Variants in DLGAP2 observed in about 807,000 individuals in gnomAD.
DLGAP2 encodes the protein DLG associated protein 2.
A neutral mutation model predicts 100.3 loss-of-function variants in DLGAP2; 26 were observed. The ratio of observed to expected loss-of-function variants is 0.26; its 90% CI spans 0.19 to 0.36. The LOEUF (loss-of-function observed/expected upper bound fraction) is 0.36. Ranked by LOEUF, DLGAP2 falls within the 10% of genes least tolerant of loss-of-function variation. The probability of loss-of-function intolerance (pLI) is 1.00; values close to 1 mark genes in which losing one functional copy is unlikely to be tolerated. For missense variants in DLGAP2, 1,858 were observed against 1,453.2 expected (o/e 1.28, Z -4.53); for synonymous variants, 886 against 630.1 (o/e 1.41, Z -6.08).
chr8:1,627,211 A>G (rs920382018), intron 7 of DLGAP2, among the ~76,000 whole-genome samples: 3 of 152,222 alleles, frequency 2.0e-5, no homozygotes, highest in Non-Finnish European at 2.9e-5. Context: ...TTTTTCCAGT[A>G]AAAGGGGGCC....
chr8:1,207,107 T>C (rs1798013143), intron 2 of DLGAP2, among the ~76,000 whole-genome samples: 1 of 152,218 alleles, frequency 6.6e-6, no homozygotes, highest in South Asian at 2.1e-4. Flanking sequence ...TTTATTTCAA[T>C]AGATTTTTGG....
At chr8:1,110,644 T>A (rs959923918) in intron 2 of DLGAP2, among the ~76,000 whole-genome samples, 2 of 151,894 alleles carry the variant, frequency 1.3e-5, no homozygotes, top group Non-Finnish European at 2.9e-5. Flanking sequence ...TCCCTGAAAT[T>A]AGGGGAAAAC....
intron 2 of DLGAP2, among the ~76,000 whole-genome samples, chr8:1,233,672 T>C (rs1191026306): frequency 1.3e-5 from 2 of 152,172 alleles, no homozygotes; most frequent in Non-Finnish European, 2.9e-5. Flanking sequence ...TAGTTACTGA[T>C]AGATGATCTC....
intron 2 of DLGAP2, among the ~76,000 whole-genome samples, chr8:1,244,746 A>T (rs1798868948): frequency 6.6e-6 from 1 of 152,254 alleles, no homozygotes; most frequent in African/African-American, 2.4e-5. Flanking sequence ...CCAAAGCGCA[A>T]AGCACAAGCA....
chr8:1,091,581 A>C (rs1804183527), intron 2 of DLGAP2, among the ~76,000 whole-genome samples: 1 of 152,206 alleles, frequency 6.6e-6, no homozygotes, highest in Non-Finnish European at 1.5e-5. Flanking sequence ...AAGAGCCCGC[A>C]GTGATGCCAT....
intron 2 of DLGAP2, among the ~76,000 whole-genome samples, chr8:1,171,514 G>A (rs1797127987): frequency 6.6e-6 from 1 of 151,862 alleles, no homozygotes; most frequent in African/African-American, 2.4e-5. Flanking sequence ...ATGTGTGGGA[G>A]TCTAAGTCTC....
At chr8:1,386,860 A>T (rs570366366) in intron 3 of DLGAP2, among the ~76,000 whole-genome samples, 4 of 152,318 alleles carry the variant, frequency 2.6e-5, no homozygotes, top group African/African-American at 9.6e-5. Context: ...CTATGTTGAG[A>T]GAATTTTGAA....
intron 8 of DLGAP2, among the ~76,000 whole-genome samples, chr8:1,648,704 C>T (rs998392240): frequency 2.0e-5 from 3 of 152,180 alleles, no homozygotes; most frequent in African/African-American, 7.2e-5. Flanking sequence ...CCTTCTCTGG[C>T]TGTCATCATT....
intron 6 of DLGAP2, among the ~76,000 whole-genome samples, chr8:1,605,102 T>C (rs1404677600): frequency 6.6e-6 from 1 of 152,058 alleles, no homozygotes; most frequent in African/African-American, 2.4e-5. Flanking sequence ...CATCGGCCCC[T>C]GAGGATGCAG....
intron 3 of DLGAP2, among the ~76,000 whole-genome samples, chr8:1,490,975 G>A (rs1374698494): frequency 6.8e-6 from 1 of 146,572 alleles, no homozygotes; most frequent in Non-Finnish European, 1.5e-5. Flanking sequence ...GTATACATAT[G>A]TAACAAACCT....
intron 2 of DLGAP2, among the ~76,000 whole-genome samples, chr8:1,212,183 C>T (rs530979012): frequency 1.3e-5 from 2 of 152,224 alleles, no homozygotes; most frequent in South Asian, 2.1e-4. Flanking sequence ...TTCCCAAGAG[C>T]CTCATGTTCA....
intron 2 of DLGAP2, among the ~76,000 whole-genome samples, chr8:1,127,712 T>C (rs944409142): frequency 7.9e-5 from 12 of 152,154 alleles, no homozygotes; most frequent in Non-Finnish European, 1.6e-4. Flanking sequence ...ACAGAAAACC[T>C]TGGAAACTGC....
chr8:968,498 G>A (rs992167334), intron 2 of DLGAP2, among the ~76,000 whole-genome samples: 7 of 152,116 alleles, frequency 4.6e-5, no homozygotes, highest in African/African-American at 7.2e-5. Flanking sequence ...GCATTCACTC[G>A]TGCACTTCTA....
At chr8:1,114,130 G>T (rs1338386039) in intron 2 of DLGAP2, among the ~76,000 whole-genome samples, 1 of 152,142 alleles carries the variant, frequency 6.6e-6, no homozygotes, top group African/African-American at 2.4e-5. Flanking sequence ...TTTCATCGAT[G>T]TTCATCAAGG....
At chr8:1,169,790 A>C (rs553100889) in intron 2 of DLGAP2, among the ~76,000 whole-genome samples, 1 of 151,640 alleles carries the variant, frequency 6.6e-6, no homozygotes, top group African/African-American at 2.4e-5. Flanking sequence ...GGGCTGAGAC[A>C]GTGGGATTTT....
At chr8:1,027,378 G>T (rs1417935791) in intron 2 of DLGAP2, among the ~76,000 whole-genome samples, 1 of 151,584 alleles carries the variant, frequency 6.6e-6, no homozygotes, top group East Asian at 1.9e-4. Flanking sequence ...TCCAGGTGGG[G>T]TGCTTGGTGC....
At chr8:979,747 C>T (rs1477291148) in intron 2 of DLGAP2, among the ~76,000 whole-genome samples, 1 of 152,244 alleles carries the variant, frequency 6.6e-6, no homozygotes, top group Non-Finnish European at 1.5e-5. Context: ...AGTCCTTTCT[C>T]TTGCATGCAG....
chr8:1,507,175 G>A (rs1195054124), intron 4 of DLGAP2, among the ~76,000 whole-genome samples: 1 of 152,246 alleles, frequency 6.6e-6, no homozygotes, highest in Non-Finnish European at 1.5e-5. Context: ...AGCCCTTGGA[G>A]GGTCAATGGG....
At chr8:836,546 T>C (rs559063114) in intron 1 of DLGAP2, among the ~76,000 whole-genome samples, 1 of 152,254 alleles carries the variant, frequency 6.6e-6, no homozygotes, top group Admixed American at 6.5e-5. Context: ...AAGGCTGAGG[T>C]TCTGCCGGGG....
Sources: gnomAD v4.1 joint callset for allele counts (sites outside exome capture counted in the v4.1 genomes callset) on GRCh38, gnomAD v4.1.1 for gene constraint, MANE v1.5 for transcripts, NCBI Gene and HGNC (gene_info 2026-07-23, HGNC 2026-07-21) for gene names.